Variants in GRIN2A observed in about 807,000 individuals in gnomAD.
GRIN2A encodes glutamate ionotropic receptor NMDA type subunit 2A.
A neutral mutation model predicts 113.4 loss-of-function variants in GRIN2A; 22 were observed. That is an observed-to-expected ratio of 0.19 (90% CI 0.14 to 0.28). GRIN2A has a LOEUF of 0.28. GRIN2A is among the 10% of genes least tolerant of loss of function. The pLI is 1.00. For synonymous variants in GRIN2A, 827 were observed against 738.4 expected (o/e 1.12, Z -1.94); for missense variants, 1,502 against 1,887.0 (o/e 0.80, Z 3.78).
At chr16:9,973,372 A>G (rs962754518) in intron 2 of GRIN2A, among the ~76,000 whole-genome samples, 2 of 152,224 alleles carry the variant, frequency 1.3e-5, no homozygotes, top group Non-Finnish European at 2.9e-5. Flanking sequence ...CAGGAAAAAC[A>G]AGGACAACTT....
chr16:9,932,301 T>C (rs375970244), intron 3 of GRIN2A, among the ~76,000 whole-genome samples: 25 of 152,348 alleles, frequency 1.6e-4, no homozygotes, highest in African/African-American at 5.5e-4. Context: ...ATTTTTTGAA[T>C]GAACAAATGG....
chr16:9,994,438 C>A (rs1182154939), intron 2 of GRIN2A, among the ~76,000 whole-genome samples: 1 of 152,094 alleles, frequency 6.6e-6, no homozygotes, highest in Non-Finnish European at 1.5e-5. Flanking sequence ...AGAGTCTCAG[C>A]AATGGGATCC....
chr16:10,010,537 T>G (rs1278843571), intron 2 of GRIN2A, among the ~76,000 whole-genome samples: 1 of 152,234 alleles, frequency 6.6e-6, no homozygotes, highest in African/African-American at 2.4e-5. Context: ...TGTAAAAATG[T>G]TGTAAAATTA....
intron 3 of GRIN2A, among the ~76,000 whole-genome samples, chr16:9,930,494 T>G (rs1293840064): frequency 6.6e-6 from 1 of 152,198 alleles, no homozygotes; most frequent in Non-Finnish European, 1.5e-5. Flanking sequence ...CTGATTTACT[T>G]TGAGACTCAG....
At chr16:10,178,078 T>C (rs1380466586) in intron 2 of GRIN2A, among the ~76,000 whole-genome samples, 1 of 152,176 alleles carries the variant, frequency 6.6e-6, no homozygotes, top group African/African-American at 2.4e-5. Context: ...ATGGTTACTG[T>C]TTCCAGTCTA....
intron 2 of GRIN2A, among the ~76,000 whole-genome samples, chr16:10,124,986 G>T (rs1429258856): frequency 2.6e-5 from 4 of 152,154 alleles, no homozygotes; most frequent in Non-Finnish European, 4.4e-5. Flanking sequence ...AAAGCCCCTA[G>T]GGTTGGAAAG....
At position 10,050,128 on chromosome 16, in the gene GRIN2A, G is replaced by A. The variant is rs72772372; in HGVS notation, c.415-111577C>T. Among the ~76,000 whole-genome samples the A allele has an allele frequency of 9.3e-3, 1,414 of 152,302 alleles. 12 individuals are homozygous for A. The highest frequency in any genetic ancestry group is 0.014 in the Non-Finnish European group (960 of 68,024). On this transcript the variant is annotated intron_variant, in intron 2 of 12. Coordinates refer to ENST00000330684, the MANE Select transcript of GRIN2A (RefSeq NM_001134407.3). ...TGGGGAGATTATCCTGAAGTCCCTG[G>A]TTTGGCCCAATGTAATCAGAAGTAT...
At chr16:9,866,493 C>T (rs1028553808) in intron 4 of GRIN2A, among the ~76,000 whole-genome samples, 2 of 152,166 alleles carry the variant, frequency 1.3e-5, no homozygotes, top group South Asian at 2.1e-4. Flanking sequence ...TGGGACAAGA[C>T]TGAAGAAGCC....
intron 2 of GRIN2A, among the ~76,000 whole-genome samples, chr16:10,056,942 C>T (rs2047466566): frequency 6.6e-6 from 1 of 152,050 alleles, no homozygotes; most frequent in African/African-American, 2.4e-5. Context: ...TACACCACCT[C>T]CCCTACCAAC....
chr16:9,794,028 T>A (rs1902796355), intron 11 of GRIN2A, among the ~76,000 whole-genome samples: 1 of 152,226 alleles, frequency 6.6e-6, no homozygotes, highest in Non-Finnish European at 1.5e-5. Flanking sequence ...TCAGTAAATG[T>A]TGGGTATCGA....
In GRIN2A at chr16:9,763,964, T is replaced by C. The variant is rs774858773; in HGVS notation, c.3580A>G (p.Lys1194Glu). Residue 1194 changes from lysine (K) to glutamate (E), a missense_variant, in exon 13 of 13, where the codon AAA (lysine) becomes GAA (glutamate). Coordinates refer to ENST00000330684, the MANE Select transcript of GRIN2A (RefSeq NM_001134407.3). ...YKLYSKHFTL[K>E]DKGSPHSETS... is the part of the protein sequence containing the mutation. ...TCACTGTGCGGGGAACCCTTGTCTTTCAAGGTGAAGTGCTTGGAGTAGAGT... is the reference window on the plus strand; with the variant it reads ...TCACTGTGCGGGGAACCCTTGTCTTCCAAGGTGAAGTGCTTGGAGTAGAGT... 1 of 1,614,138 alleles carries C rather than the reference T, an allele frequency of 6.2e-7. No individual in the cohort carries two copies. The highest frequency in any genetic ancestry group is 1.1e-5 in the South Asian group (1 of 91,070).
At chr16:9,893,530 A>T (rs978513550) in intron 3 of GRIN2A, among the ~76,000 whole-genome samples, 1 of 152,100 alleles carries the variant, frequency 6.6e-6, no homozygotes, top group African/African-American at 2.4e-5. Flanking sequence ...GCATTGGCAC[A>T]ATCTTGGCTC....
intron 3 of GRIN2A, among the ~76,000 whole-genome samples, chr16:9,909,470 G>A (rs1331197762): frequency 1.3e-5 from 2 of 152,226 alleles, no homozygotes; most frequent in Non-Finnish European, 1.5e-5. Context: ...GTCACCTGTT[G>A]CCATTGAGCA....
chr16:10,046,516 T>C (rs1290594137), intron 2 of GRIN2A, among the ~76,000 whole-genome samples: 1 of 152,112 alleles, frequency 6.6e-6, no homozygotes, highest in Non-Finnish European at 1.5e-5. Context: ...ATCTTTTCCA[T>C]AACAAACCTA....
chr16:9,896,650 T>C (rs373131752), intron 3 of GRIN2A, among the ~76,000 whole-genome samples: 7 of 152,196 alleles, frequency 4.6e-5, no homozygotes, highest in East Asian at 1.9e-4. Context: ...ATTGTCTTTT[T>C]CTATTAAAAG....
chr16:9,921,305 C>G (rs1396230085), intron 3 of GRIN2A, among the ~76,000 whole-genome samples: 1 of 152,100 alleles, frequency 6.6e-6, no homozygotes, highest in Non-Finnish European at 1.5e-5. Flanking sequence ...GCAAATGTCT[C>G]CTACCCACAA....
At chr16:9,935,255 T>C (rs2044686278) in intron 3 of GRIN2A, among the ~76,000 whole-genome samples, 1 of 152,160 alleles carries the variant, frequency 6.6e-6, no homozygotes, top group African/African-American at 2.4e-5. Flanking sequence ...GAGAATTCAT[T>C]AGCCTCGTTT....
chr16:9,839,705 T>C (rs117844795), intron 7 of GRIN2A, among the ~76,000 whole-genome samples: 4,292 of 152,324 alleles, frequency 0.028, 95 homozygotes, highest in Non-Finnish European at 0.042. Flanking sequence ...TATTTTTAAA[T>C]GTTTTCAATA....
At position 9,883,338 on chromosome 16, in the gene GRIN2A, G is replaced by C. The variant is rs557408294; in HGVS notation, c.1122+7648C>G. Among the ~76,000 whole-genome samples, 3 of 152,320 alleles carry C rather than the reference G, an allele frequency of 2.0e-5. No homozygotes were observed. The South Asian group carries it at 6.2e-4, about 32-fold the overall frequency. ...CTTGTGGTGAAGCTGAAAAAACACAGATGAAAGGAACAGACCTTCCCCTCT... is the reference window on the plus strand; with the variant it reads ...CTTGTGGTGAAGCTGAAAAAACACACATGAAAGGAACAGACCTTCCCCTCT... On this transcript the variant is annotated intron_variant, in intron 4 of 12. Coordinates refer to ENST00000330684, the MANE Select transcript of GRIN2A (RefSeq NM_001134407.3).
Sources: allele counts gnomAD v4.1 joint callset (sites outside exome capture counted in the v4.1 genomes callset), GRCh38; gene constraint gnomAD v4.1.1; transcripts MANE v1.5; gene names NCBI Gene and HGNC (gene_info 2026-07-23, HGNC 2026-07-21).